The following HMCN2 variants were observed in gnomAD, a reference collection of about 807,000 sequenced individuals.
HMCN2 encodes hemicentin-2.
A neutral mutation model predicts 377.5 loss-of-function variants in HMCN2; 325 were observed. That is an observed-to-expected ratio of 0.86 (90% CI 0.79 to 0.94). The LOEUF is 0.94. Ranked by LOEUF, HMCN2 falls within the 40% of genes least tolerant of loss-of-function variation. The probability of loss-of-function intolerance (pLI) is 0.00; values close to 1 mark genes in which losing one functional copy is unlikely to be tolerated. For synonymous variants in HMCN2, 2,007 were observed against 2,046.8 expected, an observed-to-expected ratio of 0.98 and a Z score of 0.53; for missense variants, 4,543 against 4,725.3, an observed-to-expected ratio of 0.96 and a Z score of 1.13.
In HMCN2 at chr9:130,391,079, C is replaced by G. The variant is rs1022783682; in HGVS notation, c.9626C>G (p.Thr3209Ser). 1.0e-6 allele frequency: 1 copy of G among 987,860 alleles called. No individual in the cohort carries two copies. Among genetic ancestry groups the G allele is most frequent in the East Asian group, 1.1e-4 (1 of 8,804 alleles). The allele number at this position is 987,860 out of a possible 1,614,324, so 61.2% of individuals were successfully genotyped here. Reference sequence around the variant, plus strand: ...ACCTACACGTGCGTGGCTGAGAACACCCAGGCTGAGGCCCGCAAGGACTTC... The same window carrying G: ...ACCTACACGTGCGTGGCTGAGAACAGCCAGGCTGAGGCCCGCAAGGACTTC... ...AGTYTCVAEN[T>S]QAEARKDFVV... Residue 3209 changes from threonine (T) to serine (S), a missense_variant, in exon 63 of 98, where the codon ACC (threonine) becomes AGC (serine). Around this residue, in one of 5 missense-constraint regions of HMCN2, gnomAD observed 736 missense variants for 773.2 expected, o/e 0.95. Transcript: ENST00000683500.
chr9:130,273,362 C>T (rs1346053695), intron 1 of HMCN2, among the ~76,000 whole-genome samples: 4 of 152,140 alleles, frequency 2.6e-5, no homozygotes, highest in African/African-American at 7.2e-5. Context: ...TTGAGAGTCA[C>T]AGCTTGTCCA....
intron 4 of HMCN2, among the ~76,000 whole-genome samples, chr9:130,293,781 G>A (rs550697415): frequency 5.3e-5 from 8 of 152,302 alleles, no homozygotes; most frequent in African/African-American, 1.2e-4. Flanking sequence ...AGAGATCCCA[G>A]GCCAGTAAGG....
intron 80 of HMCN2, 98 bp from the exon 81 acceptor site, chr9:130,404,771 G>T: frequency 1.2e-6 from 1 of 841,650 alleles, no homozygotes; most frequent in South Asian, 1.9e-5. Context: ...CTGATGGCCA[G>T]GGAGGGCTGA....
intron 50 of HMCN2, 50 bp from the exon 51 acceptor site, chr9:130,375,826 G>C: frequency 1.0e-6 from 1 of 982,516 alleles, no homozygotes; most frequent in Non-Finnish European, 1.2e-6. Flanking sequence ...CCTCATGCCT[G>C]GCATGAGGCT....
intron 55 of HMCN2, 103 bp downstream of exon 55, chr9:130,382,400 C>T (rs1841777159): frequency 4.8e-6 from 2 of 413,438 alleles, no homozygotes; most frequent in Non-Finnish European, 6.5e-6. Context: ...TTGCTGTACT[C>T]AGAGGTTGAA....
In HMCN2 at chr9:130,404,836, C is replaced by G. The variant is rs762597974; in HGVS notation, c.12149-33C>G. 113 of 1,198,994 alleles carry G rather than the reference C, an allele frequency of 9.4e-5. 1 individual carries two copies. The highest frequency in any genetic ancestry group is 1.2e-4 in the Non-Finnish European group (113 of 941,024). 74.3% of individuals were successfully genotyped at this position (1,198,994 alleles called of 1,614,324 possible). ...GATGGTGTCAGCCGCCTCCCTGAGCCCCGGTTCCGAGTGGGCCTCCCTCTG... is the reference window on the plus strand; with the variant it reads ...GATGGTGTCAGCCGCCTCCCTGAGCGCCGGTTCCGAGTGGGCCTCCCTCTG... On this transcript the variant is annotated intron_variant, in intron 80 of 97. Coordinates refer to ENST00000683500, the MANE Select transcript of HMCN2 (RefSeq NM_001291815.2).
intron 48 of HMCN2, among the ~76,000 whole-genome samples, chr9:130,373,527 G>A (rs1430036534): frequency 6.8e-6 from 1 of 146,096 alleles, no homozygotes; most frequent in Non-Finnish European, 1.5e-5. Context: ...TTTCCCCAGT[G>A]CCTGGCAGAG....
At chr9:130,365,603 C>T (rs1274620854) in intron 41 of HMCN2, 28 bp from the exon 42 acceptor site, 1 of 972,584 alleles carries the variant, frequency 1.0e-6, no homozygotes, top group African/African-American at 1.7e-5. Context: ...TGCGTCCCCT[C>T]CCATGGGGTG....
chr9:130,267,608 G>T (rs554484878), intron 1 of HMCN2, among the ~76,000 whole-genome samples: 1 of 152,346 alleles, frequency 6.6e-6, no homozygotes, highest in African/African-American at 2.4e-5. Flanking sequence ...ACCATTACAG[G>T]TTCTTAGAAA....
intron 55 of HMCN2, 101 bp downstream of exon 55, chr9:130,382,398 C>G (rs1196478255): frequency 2.4e-6 from 1 of 415,698 alleles, no homozygotes; most frequent in Non-Finnish European, 3.2e-6. Flanking sequence ...TCTTGCTGTA[C>G]TCAGAGGTTG....
intron 54 of HMCN2, 53 bp from the exon 55 acceptor site, chr9:130,382,131 C>T (rs1415152435): frequency 2.4e-6 from 2 of 845,948 alleles, no homozygotes; most frequent in Non-Finnish European, 2.8e-6. Context: ...CGTCTTTGCT[C>T]TTGGGGGTGA....
intron 84 of HMCN2, 54 bp from the exon 85 acceptor site, chr9:130,410,517 G>C (rs1843352639): frequency 6.6e-7 from 1 of 1,507,964 alleles, no homozygotes; most frequent in Non-Finnish European, 9.0e-7. Context: ...AACTGTCTGA[G>C]CCACTCATCT....
chr9:130,421,832 C>T (rs930479521), intron 86 of HMCN2, among the ~76,000 whole-genome samples: 2 of 152,200 alleles, frequency 1.3e-5, no homozygotes, highest in Non-Finnish European at 2.9e-5. Context: ...GATCCTAGCA[C>T]TTGAGTGTTT....
intron 32 of HMCN2, 49 bp from the exon 33 acceptor site, chr9:130,355,697 G>A: frequency 8.8e-7 from 1 of 1,130,488 alleles, no homozygotes; most frequent in Non-Finnish European, 1.2e-6. Flanking sequence ...AGGGTTTGAG[G>A]CCAGTGGCTG....
At chr9:130,413,881 C>G (rs892955231) in intron 85 of HMCN2, among the ~76,000 whole-genome samples, 1 of 151,746 alleles carries the variant, frequency 6.6e-6, no homozygotes, top group Admixed American at 6.6e-5. Context: ...TGTGGTGGCT[C>G]GTGTCTGTAA....
chr9:130,373,707 A>AGAGGGATGGATGGATGGATGGATG (rs1841198678), intron 48 of HMCN2, among the ~76,000 whole-genome samples: 1 of 115,354 alleles, frequency 8.7e-6, no homozygotes, highest in Non-Finnish European at 1.9e-5. Flanking sequence ...ATGGATAGGT[A>AGAGGGATGGATGGATGGATGGATG]GATGGATGGA....
intron 4 of HMCN2, among the ~76,000 whole-genome samples, chr9:130,290,856 C>A: frequency 8.0e-6 from 1 of 124,924 alleles, no homozygotes; most frequent in Non-Finnish European, 1.6e-5. Flanking sequence ...TCTTCTAGCT[C>A]AGTCTGAAAA....
intron 82 of HMCN2, 72 bp from the exon 83 acceptor site, chr9:130,407,499 C>T: frequency 4.1e-6 from 5 of 1,227,900 alleles, no homozygotes; most frequent in Non-Finnish European, 5.3e-6. Flanking sequence ...TAAGTTCCTG[C>T]AGGTACCCAG....
chr9:130,412,972 T>C (rs11244238), intron 85 of HMCN2, among the ~76,000 whole-genome samples: 59,041 of 152,054 alleles, frequency 0.39, 11,924 homozygotes, highest in Middle Eastern at 0.51. Context: ...ACTTCCTTTT[T>C]TGCATACGGA....
Sources: gnomAD v4.1 joint callset for allele counts (sites outside exome capture counted in the v4.1 genomes callset) on GRCh38, gnomAD v4.1.1 for gene constraint, gnomAD v4.1.1 regional missense constraint, MANE v1.5 for transcripts, NCBI Gene and HGNC (gene_info 2026-07-23, HGNC 2026-07-21) for gene names.